Variants in LPP observed in about 807,000 individuals in gnomAD.
LPP encodes lipoma-preferred partner.
Under a neutral mutation model 60.4 loss-of-function variants are expected in LPP, and 38 were observed. The observed-to-expected ratio is 0.63, with a 90% CI of 0.49 to 0.83. The LOEUF is 0.83. Among genes scored for constraint, LPP ranks in the 40% least tolerant of loss-of-function variants. LPP has a pLI of 0.00. For synonymous variants in LPP, 328 were observed against 290.8 expected (o/e 1.13, Z -1.30); for missense variants, 902 against 783.6 (o/e 1.15, Z -1.80).
intron 8 of LPP, among the ~76,000 whole-genome samples, chr3:188,751,294 G>A (rs1418597233): frequency 1.3e-5 from 2 of 152,146 alleles, no homozygotes; most frequent in African/African-American, 4.8e-5. Context: ...AGATTCCCAC[G>A]GGAGAGATCA....
intron 1 of LPP, among the ~76,000 whole-genome samples, chr3:188,154,765 A>G (rs1715688948): frequency 6.6e-6 from 1 of 152,222 alleles, no homozygotes; most frequent in Non-Finnish European, 1.5e-5. Flanking sequence ...TGTGTGTGGC[A>G]GACCCTGTGC....
intron 2 of LPP, among the ~76,000 whole-genome samples, chr3:188,312,095 T>C (rs1249040934): frequency 6.6e-6 from 1 of 152,256 alleles, no homozygotes; most frequent in South Asian, 2.1e-4. Flanking sequence ...ATAAGTTCTT[T>C]ATATATCCTT....
At chr3:188,816,353 C>T (rs796808658) in intron 9 of LPP, among the ~76,000 whole-genome samples, 7 of 152,200 alleles carry the variant, frequency 4.6e-5, no homozygotes, top group African/African-American at 1.7e-4. Context: ...AGGCGCCCAC[C>T]ACCATGCCCG....
At chr3:188,315,952 A>C (rs1355358132) in intron 2 of LPP, among the ~76,000 whole-genome samples, 4 of 152,216 alleles carry the variant, frequency 2.6e-5, no homozygotes, top group African/African-American at 9.7e-5. Context: ...TTCTCAAATC[A>C]AGTATACCTG....
chr3:188,288,716 G>A (rs1480520713), intron 2 of LPP, among the ~76,000 whole-genome samples: 1 of 151,948 alleles, frequency 6.6e-6, no homozygotes, highest in Non-Finnish European at 1.5e-5. Flanking sequence ...TCTTGCATTT[G>A]TTTTTCATTT....
intron 4 of LPP, among the ~76,000 whole-genome samples, chr3:188,470,894 T>C (rs573101116): frequency 2.0e-5 from 3 of 152,282 alleles, no homozygotes; most frequent in African/African-American, 7.2e-5. Flanking sequence ...AAAGGATACA[T>C]ACTCACCAGT....
chr3:188,775,550 G>C (rs1007515143), intron 9 of LPP, among the ~76,000 whole-genome samples: 3 of 152,114 alleles, frequency 2.0e-5, no homozygotes, highest in African/African-American at 7.2e-5. Context: ...TTTTTTCAGA[G>C]GGTTATTATA....
chr3:188,727,207 A>T (rs931110179), intron 8 of LPP, among the ~76,000 whole-genome samples: 1 of 152,178 alleles, frequency 6.6e-6, no homozygotes, highest in African/African-American at 2.4e-5. Flanking sequence ...TTTGCAAGGT[A>T]GGGATGATTA....
chr3:188,316,638 A>G (rs1348648983), intron 2 of LPP, among the ~76,000 whole-genome samples: 1 of 152,196 alleles, frequency 6.6e-6, no homozygotes, highest in Non-Finnish European at 1.5e-5. Context: ...GGAAAGATGC[A>G]GAGCTGGGGG....
At chr3:188,272,683 A>C (rs1378660345) in intron 2 of LPP, among the ~76,000 whole-genome samples, 1 of 152,182 alleles carries the variant, frequency 6.6e-6, no homozygotes, top group East Asian at 1.9e-4. Context: ...CTCTACAAAT[A>C]GTTTACAAGA....
intron 4 of LPP, among the ~76,000 whole-genome samples, chr3:188,444,854 C>T (rs1560413744): frequency 1.3e-5 from 2 of 152,244 alleles, no homozygotes; most frequent in East Asian, 3.9e-4. Context: ...CAGAAGAAGA[C>T]ATTTATGTGG....
intron 6 of LPP, among the ~76,000 whole-genome samples, chr3:188,574,640 C>T (rs1227592736): frequency 6.6e-6 from 1 of 152,058 alleles, no homozygotes; most frequent in African/African-American, 2.4e-5. Flanking sequence ...TGCTTGTTGC[C>T]TGAAAGTTGT....
chr3:188,354,824 C>CACACACAG, intron 3 of LPP, among the ~76,000 whole-genome samples: 1 of 63,050 alleles, frequency 1.6e-5, no homozygotes, highest in Non-Finnish European at 3.2e-5. Flanking sequence ...CGTGCGCGCA[C>CACACACAG]ACACACACAC....
At chr3:188,427,492 C>A (rs1435185660) in intron 4 of LPP, among the ~76,000 whole-genome samples, 1 of 152,144 alleles carries the variant, frequency 6.6e-6, no homozygotes, top group African/African-American at 2.4e-5. Context: ...AATTATGTAT[C>A]TTGGGGTTGC....
intron 7 of LPP, among the ~76,000 whole-genome samples, chr3:188,640,045 G>A (rs932148393): frequency 2.0e-5 from 3 of 151,868 alleles, no homozygotes; most frequent in African/African-American, 7.3e-5. Flanking sequence ...TACAAATCAT[G>A]CTGCTATAAA....
intron 6 of LPP, among the ~76,000 whole-genome samples, chr3:188,550,144 CT>C (rs766495222): frequency 2.0e-5 from 3 of 152,316 alleles, no homozygotes; most frequent in Non-Finnish European, 2.9e-5. Flanking sequence ...CAGAATCCCC[CT>C]ATTGGACATC....
intron 6 of LPP, among the ~76,000 whole-genome samples, chr3:188,534,534 G>A (rs1225550858): frequency 2.0e-5 from 3 of 152,140 alleles, no homozygotes; most frequent in African/African-American, 7.2e-5. Context: ...GGTAGTGTTA[G>A]TATGAAACCC....
chr3:188,370,347 G>A (rs1772651300), intron 3 of LPP, among the ~76,000 whole-genome samples: 1 of 152,194 alleles, frequency 6.6e-6, no homozygotes, highest in Non-Finnish European at 1.5e-5. Context: ...TGGTGGGGCT[G>A]GAGTTCGCAC....
At chr3:188,628,884 G>A (rs1170695024) in intron 7 of LPP, among the ~76,000 whole-genome samples, 1 of 152,084 alleles carries the variant, frequency 6.6e-6, no homozygotes, top group East Asian at 1.9e-4. Context: ...GAATCCAGCA[G>A]CACATCAAAG....
Sources: allele counts gnomAD v4.1 joint callset (sites outside exome capture counted in the v4.1 genomes callset), GRCh38; gene constraint gnomAD v4.1.1; transcripts MANE v1.5; gene names NCBI Gene and HGNC (gene_info 2026-07-23, HGNC 2026-07-21).